Variants in RFTN1 observed in about 807,000 individuals in gnomAD.
RFTN1 encodes the protein raftlin.
RFTN1 carries 26 observed loss-of-function variants against 46.5 expected under a neutral mutation model. That is an observed-to-expected ratio of 0.56 (90% CI 0.41 to 0.78). The LOEUF (loss-of-function observed/expected upper bound fraction) is 0.78. Ranked by LOEUF, RFTN1 falls within the 30% of genes least tolerant of loss-of-function variation. The pLI is 0.00. For missense variants in RFTN1, 693 were observed against 718.7 expected (o/e 0.96, Z 0.41); for synonymous variants, 261 against 284.2 (o/e 0.92, Z 0.82).
chr3:16,450,662 C>T lies in RFTN1; in HGVS notation c.146-16625G>A, dbSNP rs149632953. 5.1e-3 allele frequency among the ~76,000 whole-genome samples: 778 copies of T among 152,354 alleles called. 8 individuals carry two copies. Among genetic ancestry groups the T allele is most frequent in the African/African-American group, 0.018 (756 of 41,596 alleles). The stretch of plus-strand genomic sequence containing the variant: ...CAGGCACCCCAAACCAGGATTAAAA[C>T]AATAAGTTTAACAAATGCTATAAAA... On this transcript the variant is annotated intron_variant, in intron 2 of 9. Coordinates refer to ENST00000334133, the MANE Select transcript of RFTN1 (RefSeq NM_015150.2). The surrounding 1 kb of genome is among the most constrained non-coding windows in gnomAD (Gnocchi z 4.6).
In RFTN1 at chr3:16,338,084, A is replaced by C. The variant is rs919569480; in HGVS notation, c.1147-11208T>G. ...GCAAGAAAACCAAACCTGCATGTGC[A>C]AGATAACATTCTCCTGGATTCTGGG... On this transcript the variant is annotated intron_variant, in intron 7 of 9. Coordinates refer to ENST00000334133, the MANE Select transcript of RFTN1 (RefSeq NM_015150.2). This position sits in a 1 kb window ranked among gnomAD's most constrained non-coding sequence, Gnocchi z 5.3. 6.6e-6 allele frequency among the ~76,000 whole-genome samples: 1 copy of C among 152,278 alleles called. No individual in the cohort carries two copies. The highest frequency in any genetic ancestry group is 2.4e-5 in the African/African-American group (1 of 41,472).
At position 16,466,581 on chromosome 3, in the gene RFTN1, C is replaced by A. The variant is rs1216821406; in HGVS notation, c.145+27144G>T. Among the ~76,000 whole-genome samples, 1 of 152,180 alleles carries A rather than the reference C, an allele frequency of 6.6e-6. No individual in the cohort carries two copies. The highest frequency in any genetic ancestry group is 1.9e-4 in the East Asian group (1 of 5,194). ...TTCCTTCTGGGCCTGAACTCAGGCT[C>A]CTTCCTAATTTAAGGAAAAAGTAAA... On this transcript the variant is annotated intron_variant, in intron 2 of 9. Coordinates refer to ENST00000334133, the MANE Select transcript of RFTN1 (RefSeq NM_015150.2). The surrounding 1 kb of genome is among the most constrained non-coding windows in gnomAD (Gnocchi z 5.6).
intron 6 of RFTN1, among the ~76,000 whole-genome samples, chr3:16,359,004 C>T (rs2072651167): frequency 7.3e-6 from 1 of 137,196 alleles, no homozygotes; most frequent in East Asian, 2.2e-4. Flanking sequence ...TGTACTTCAG[C>T]CTGGGTGACA....
rs574899370 is a variant in RFTN1, at chr3:16,345,005, G to A, written c.1146+12927C>T. 57 of 152,274 alleles carry A rather than the reference G, an allele frequency of 3.7e-4. 1 individual carries two copies. The highest frequency in any genetic ancestry group is 1.3e-3 in the African/African-American group (55 of 41,556). The allele number at this position is 152,274 out of a possible 1,614,324, so 9.4% of individuals were successfully genotyped here. On this transcript the variant is annotated intron_variant, in intron 7 of 9. Coordinates refer to ENST00000334133, the MANE Select transcript of RFTN1 (RefSeq NM_015150.2). The surrounding 1 kb of genome is among the most constrained non-coding windows in gnomAD (Gnocchi z 5.2). ...TTAGGGGGCCACATGGAAAGCATAA[G>A]AAATGGGGGCAGCCCCCAGGAGCAA... is the stretch of plus-strand genomic sequence containing the variant.
chr3:16,436,437 A>G (rs1204718856), intron 2 of RFTN1, among the ~76,000 whole-genome samples: 1 of 151,912 alleles, frequency 6.6e-6, no homozygotes, highest in African/African-American at 2.4e-5. Flanking sequence ...GCTCACTGCA[A>G]ACTCTACCTC....
At chr3:16,508,522 T>C (rs908348003) in intron 1 of RFTN1, among the ~76,000 whole-genome samples, 3 of 152,220 alleles carry the variant, frequency 2.0e-5, no homozygotes, top group African/African-American at 7.2e-5. Flanking sequence ...AGCAAGGAAT[T>C]AGCCGGGTTC....
At chr3:16,367,628 G>A (rs1274100149) in intron 6 of RFTN1, among the ~76,000 whole-genome samples, 1 of 152,062 alleles carries the variant, frequency 6.6e-6, no homozygotes, top group African/African-American at 2.4e-5. Context: ...AGGGCAGGAA[G>A]AATGAATTTA....
At chr3:16,389,032 T>C (rs2074282331) in intron 4 of RFTN1, among the ~76,000 whole-genome samples, 1 of 141,564 alleles carries the variant, frequency 7.1e-6, no homozygotes, top group African/African-American at 2.5e-5. Context: ...GTTTAAAGAA[T>C]TTAACCAGGA....
chr3:16,407,827 C>T lies in RFTN1; in HGVS notation c.441+1548G>A, dbSNP rs1274255360. On this transcript the variant is annotated intron_variant, in intron 4 of 9. Coordinates refer to ENST00000334133, the MANE Select transcript of RFTN1 (RefSeq NM_015150.2). The surrounding 1 kb of genome is among the most constrained non-coding windows in gnomAD (Gnocchi z 4.0). Reference sequence around the variant, plus strand: ...TTCTTAAATAATAATCTGAATTCTACCAGAGTAGAAAGAGCCTCCCTCATC... The same window carrying T: ...TTCTTAAATAATAATCTGAATTCTATCAGAGTAGAAAGAGCCTCCCTCATC... 1.3e-5 allele frequency among the ~76,000 whole-genome samples: 2 copies of T among 152,034 alleles called. No individual in the cohort carries two copies. Among genetic ancestry groups the T allele is most frequent in the African/African-American group, 2.4e-5 (1 of 41,374 alleles).
At chr3:16,399,688 A>G (rs2074556383) in intron 4 of RFTN1, among the ~76,000 whole-genome samples, 1 of 151,982 alleles carries the variant, frequency 6.6e-6, no homozygotes, top group South Asian at 2.1e-4. Context: ...GGTTTCAGTT[A>G]CCATCTGCCA....
Position 16,338,176 on chromosome 3 carries a change from G to T in RFTN1, c.1147-11300C>A, listed in dbSNP as rs116083933. Among the ~76,000 whole-genome samples the T allele has an allele frequency of 4.6e-3, 708 of 152,334 alleles. 2 individuals carry two copies. Among genetic ancestry groups the T allele is most frequent in the African/African-American group, 0.016 (659 of 41,588 alleles). On this transcript the variant is annotated intron_variant, in intron 7 of 9. Coordinates refer to ENST00000334133, the MANE Select transcript of RFTN1 (RefSeq NM_015150.2). This position sits in a 1 kb window ranked among gnomAD's most constrained non-coding sequence, Gnocchi z 5.3. The stretch of plus-strand genomic sequence containing the variant: ...ACGTCAGTTACTTGGAAGGCAGAAA[G>T]AAGAAAGGGGCTACGGGATGGAAGG...
chr3:16,364,240 G>A (rs2125345624), intron 6 of RFTN1, among the ~76,000 whole-genome samples: 1 of 152,340 alleles, frequency 6.6e-6, no homozygotes, highest in South Asian at 2.1e-4. Flanking sequence ...GGACGTGGAA[G>A]CACTCTGCCA....
Position 16,345,784 on chromosome 3 carries a change from ATCTC to A in RFTN1, c.1146+12144_1146+12147del, listed in dbSNP as rs200513735. Among the ~76,000 whole-genome samples the A allele has an allele frequency of 9.3e-6, 1 of 107,840 alleles. No homozygotes were observed. The highest frequency in any genetic ancestry group is 3.7e-5 in the African/African-American group (1 of 26,984). 70.7% of individuals were successfully genotyped at this position (107,840 alleles called of 152,430 possible). ...CACATGAGCCAAAACCTTATAATAA[ATCTC>A]TGTGTGTGTGTGTGTGTGTGTGTGT... On this transcript the variant is annotated intron_variant, in intron 7 of 9. Transcript: ENST00000334133. This position sits in a 1 kb window ranked among gnomAD's most constrained non-coding sequence, Gnocchi z 5.2.
rs758354261 is a variant in RFTN1, at chr3:16,316,540, G to A, written c.*288C>T. 2 of 458,220 alleles carry A rather than the reference G, an allele frequency of 4.4e-6. No homozygotes were observed. Among genetic ancestry groups the A allele is most frequent in the Non-Finnish European group, 7.9e-6 (2 of 252,548 alleles). 28.4% of individuals were successfully genotyped at this position (458,220 alleles called of 1,614,324 possible). A position where few individuals can be genotyped will look rare whatever the true frequency, so the allele number is the denominator to read the frequency against. On this transcript the variant is annotated 3_prime_UTR_variant, in exon 10 of 10. Transcript: ENST00000334133. The surrounding 1 kb of genome is among the most constrained non-coding windows in gnomAD (Gnocchi z 4.5). ...CTGGATGGTCCAGACCCTCTGGCTGGAGGAGTGGTGGAGCCAGGACTGGGC... is the reference window on the plus strand; with the variant it reads ...CTGGATGGTCCAGACCCTCTGGCTGAAGGAGTGGTGGAGCCAGGACTGGGC...
Position 16,449,239 on chromosome 3 carries a change from A to G in RFTN1, c.146-15202T>C, listed in dbSNP as rs1435301247. 1.3e-5 allele frequency among the ~76,000 whole-genome samples: 2 copies of G among 152,242 alleles called. No homozygotes were observed. Among genetic ancestry groups the G allele is most frequent in the African/African-American group, 2.4e-5 (1 of 41,466 alleles). On this transcript the variant is annotated intron_variant, in intron 2 of 9. Coordinates refer to ENST00000334133, the MANE Select transcript of RFTN1 (RefSeq NM_015150.2). The surrounding 1 kb of genome is among the most constrained non-coding windows in gnomAD (Gnocchi z 5.1). ...ATCCTATTAGGCAAATAAAGAACAG[A>G]AATCTGGAATTGAATTATAGGAGAG... is the stretch of plus-strand genomic sequence containing the variant.
Position 16,424,397 on chromosome 3 carries a change from A to ACT in RFTN1, c.332+9453_332+9454insAG, listed in dbSNP as rs1286505265. Among the ~76,000 whole-genome samples, 1 of 152,188 alleles carries ACT rather than the reference A, an allele frequency of 6.6e-6. No homozygotes were observed. Among genetic ancestry groups the ACT allele is most frequent in the East Asian group, 1.9e-4 (1 of 5,198 alleles). ...GGTTACAAAACAGTGTATGTCTAAA[A>ACT]CCTCTGCTGAAAGCACAGTAATGTT... On this transcript the variant is annotated intron_variant, in intron 3 of 9. Coordinates refer to ENST00000334133, the MANE Select transcript of RFTN1 (RefSeq NM_015150.2). The surrounding 1 kb of genome is among the most constrained non-coding windows in gnomAD (Gnocchi z 4.7).
At position 16,457,612 on chromosome 3, in the gene RFTN1, T is replaced by C. The variant is rs2075933591; in HGVS notation, c.146-23575A>G. On this transcript the variant is annotated intron_variant, in intron 2 of 9. Coordinates refer to ENST00000334133, the MANE Select transcript of RFTN1 (RefSeq NM_015150.2). The surrounding 1 kb of genome is among the most constrained non-coding windows in gnomAD (Gnocchi z 4.2). ...TTCTGTAAATTTTAAGTAATAAAAT[T>C]TTAGTTTTTTGTTTCGGTGCCTCTG... Among the ~76,000 whole-genome samples the C allele has an allele frequency of 6.6e-6, 1 of 152,202 alleles. No homozygotes were observed. Among genetic ancestry groups the C allele is most frequent in the South Asian group, 2.1e-4 (1 of 4,834 alleles).
At chr3:16,496,655 C>T (rs2076630866) in intron 1 of RFTN1, among the ~76,000 whole-genome samples, 1 of 152,164 alleles carries the variant, frequency 6.6e-6, no homozygotes, top group Non-Finnish European at 1.5e-5. Context: ...GTACAACCAC[C>T]TTGGAAAACT....
rs992622001 is a variant in RFTN1 at position 16,342,095 on chromosome 3, G to A, written c.1147-15219C>T. 1.3e-5 allele frequency among the ~76,000 whole-genome samples: 2 copies of A among 152,018 alleles called. No homozygotes were observed. The highest frequency in any genetic ancestry group is 4.8e-5 in the African/African-American group (2 of 41,368). On this transcript the variant is annotated intron_variant, in intron 7 of 9. Transcript: ENST00000334133. The surrounding 1 kb of genome is among the most constrained non-coding windows in gnomAD (Gnocchi z 4.0). The stretch of plus-strand genomic sequence containing the variant: ...CCTATTTAAAGCAAACAATTCAGTG[G>A]TTTATAATATATTCAGAGTTATACA...
Sources: allele counts gnomAD v4.1 joint callset (sites outside exome capture counted in the v4.1 genomes callset), GRCh38; gene constraint gnomAD v4.1.1; non-coding constraint Gnocchi (gnomAD v3.1); transcripts MANE v1.5; gene names NCBI Gene and HGNC (gene_info 2026-07-23, HGNC 2026-07-21).